The following FNDC3B variants were observed in gnomAD, a reference collection of about 807,000 sequenced individuals.
FNDC3B encodes the protein fibronectin type III domain-containing protein 3B.
In FNDC3B, 12 loss-of-function variants were observed where a neutral mutation model predicts 151.5. That is an observed-to-expected ratio of 0.08 (90% confidence interval 0.05 to 0.13). The LOEUF is 0.13. Ranked by LOEUF, FNDC3B falls within the 10% of genes least tolerant of loss-of-function variation. The probability of loss-of-function intolerance (pLI) is 1.00; values close to 1 mark genes in which losing one functional copy is unlikely to be tolerated. For missense variants in FNDC3B, 1,214 were observed against 1,505.3 expected, an observed-to-expected ratio of 0.81 and a Z score of 3.20; for synonymous variants, 528 against 549.0, an observed-to-expected ratio of 0.96 and a Z score of 0.54.
intron 22 of FNDC3B, among the ~76,000 whole-genome samples, chr3:172,357,012 A>G (rs1295591422): frequency 6.6e-6 from 1 of 152,196 alleles, no homozygotes; most frequent in Non-Finnish European, 1.5e-5. Context: ...ATTTTGTAGT[A>G]GAAATTTGAT....
intron 6 of FNDC3B, among the ~76,000 whole-genome samples, chr3:172,252,708 T>TGA (rs1728148934): frequency 6.6e-6 from 1 of 152,114 alleles, no homozygotes; most frequent in South Asian, 2.1e-4. Context: ...AATTTCAGCC[T>TGA]GAGAGAGGAA....
intron 3 of FNDC3B, among the ~76,000 whole-genome samples, chr3:172,188,758 G>GCA (rs572270169): frequency 2.6e-4 from 39 of 152,252 alleles, no homozygotes; most frequent in East Asian, 2.3e-3. Flanking sequence ...TGTACACTGA[G>GCA]CACACACCCT....
intron 1 of FNDC3B, among the ~76,000 whole-genome samples, chr3:172,057,562 GT>G (rs1356045029): frequency 6.6e-6 from 1 of 152,118 alleles, no homozygotes; most frequent in African/African-American, 2.4e-5. Context: ...TTACTGGCAG[GT>G]TTTTTTCTAG....
intron 1 of FNDC3B, among the ~76,000 whole-genome samples, chr3:172,062,371 G>T (rs1717250066): frequency 6.6e-6 from 1 of 151,622 alleles, no homozygotes; most frequent in South Asian, 2.1e-4. Context: ...GAGTGCAGGG[G>T]CATGATCTCA....
At chr3:172,331,445 CCT>C (rs1732657150) in intron 13 of FNDC3B, among the ~76,000 whole-genome samples, 1 of 152,202 alleles carries the variant, frequency 6.6e-6, no homozygotes, top group South Asian at 2.1e-4. Flanking sequence ...TCAAGCTCCG[CCT>C]CCCAAGTTCA....
chr3:172,046,056 A>G (rs909333583), intron 1 of FNDC3B, among the ~76,000 whole-genome samples: 2 of 152,140 alleles, frequency 1.3e-5, no homozygotes, highest in Non-Finnish European at 2.9e-5. Context: ...TCTTGGAAAC[A>G]GAAGGTATGT....
intron 9 of FNDC3B, among the ~76,000 whole-genome samples, chr3:172,300,992 A>T (rs188264515): frequency 6.8e-4 from 104 of 152,300 alleles, no homozygotes; most frequent in African/African-American, 2.3e-3. Flanking sequence ...TCTGCCTTGA[A>T]TTGCTTCGGT....
At chr3:172,324,920 G>C (rs1167486037) in intron 11 of FNDC3B, among the ~76,000 whole-genome samples, 2 of 152,214 alleles carry the variant, frequency 1.3e-5, no homozygotes, top group African/African-American at 4.8e-5. Flanking sequence ...CTGCGAACCT[G>C]ACCCACCAAC....
rs538561365 is a variant in FNDC3B at position 172,374,012 on chromosome 3, A to G, written c.3009-4258A>G. On this transcript the variant is annotated intron_variant, in intron 23 of 25. Transcript: ENST00000415807. ...AGAAAGAAACTTAGAATCAACAGTT[A>G]TCTGAGGCCTGCTGTGTCAGAGCTT... 4.4e-4 allele frequency among the ~76,000 whole-genome samples: 67 copies of G among 152,384 alleles called. 1 individual carries two copies. The highest frequency in any genetic ancestry group is 1.9e-3 in the East Asian group (10 of 5,188).
Position 172,220,875 on chromosome 3 carries a change from G to A in FNDC3B, c.188-5996G>A, listed in dbSNP as rs138672648. ...TTGGAGGCCGAGGAATATCACTTGA[G>A]CCCCAGGAGTTTGAGATCAGCCTGG... On this transcript the variant is annotated intron_variant, in intron 3 of 25. Coordinates refer to ENST00000415807, the MANE Select transcript of FNDC3B (RefSeq NM_022763.4). Among the ~76,000 whole-genome samples the A allele has an allele frequency of 4.9e-4, 74 of 152,194 alleles. No individual in the cohort carries two copies. In the East Asian group the frequency reaches 0.014, roughly 29 times the overall value.
chr3:172,318,398 A>T (rs953764201), intron 11 of FNDC3B, among the ~76,000 whole-genome samples: 19 of 152,212 alleles, frequency 1.2e-4, no homozygotes, highest in African/African-American at 4.3e-4. Flanking sequence ...TTGTTTAGGG[A>T]TTGAGTTGGC....
At chr3:172,287,517 A>C (rs1268178486) in intron 7 of FNDC3B, among the ~76,000 whole-genome samples, 1 of 152,234 alleles carries the variant, frequency 6.6e-6, no homozygotes, top group Non-Finnish European at 1.5e-5. Flanking sequence ...TGAGGGCAGA[A>C]TTATGGAAAA....
chr3:172,256,175 C>A (rs145434058), intron 6 of FNDC3B, among the ~76,000 whole-genome samples: 1 of 152,304 alleles, frequency 6.6e-6, no homozygotes, highest in East Asian at 1.9e-4. Context: ...GGTGTTCTGC[C>A]CCATTTTGTG....
intron 24 of FNDC3B, 37 bp from the exon 25 acceptor site, chr3:172,380,929 T>C: frequency 5.0e-6 from 8 of 1,608,624 alleles, no homozygotes; most frequent in Non-Finnish European, 6.8e-6. Context: ...CATGATACTT[T>C]GAATTTTGAG....
intron 3 of FNDC3B, chr3:172,148,620 T>C (rs1003054655): frequency 6.6e-6 from 1 of 152,072 alleles, no homozygotes; most frequent in Non-Finnish European, 1.5e-5. Flanking sequence ...TACACATTTC[T>C]TTTTTTTCTC....
intron 25 of FNDC3B, among the ~76,000 whole-genome samples, chr3:172,387,999 T>C (rs1274985915): frequency 1.3e-5 from 2 of 152,258 alleles, no homozygotes; most frequent in Non-Finnish European, 2.9e-5. Flanking sequence ...CCTCCCATAG[T>C]CATGTAATTC....
intron 1 of FNDC3B, among the ~76,000 whole-genome samples, chr3:172,067,632 G>C (rs1717563842): frequency 6.6e-6 from 1 of 152,024 alleles, no homozygotes. Context: ...AAAGTCTCTG[G>C]TGGGTTTTTG....
intron 3 of FNDC3B, among the ~76,000 whole-genome samples, chr3:172,209,271 G>A (rs911803428): frequency 6.6e-5 from 10 of 152,196 alleles, no homozygotes; most frequent in Non-Finnish European, 1.0e-4. Context: ...CGGGAGGGCT[G>A]TAGTGTTACA....
intron 6 of FNDC3B, among the ~76,000 whole-genome samples, chr3:172,265,799 G>T (rs918158863): frequency 6.6e-6 from 1 of 152,148 alleles, no homozygotes. Flanking sequence ...TACGGACACT[G>T]TACATAGTAC....
Sources: gnomAD v4.1 joint callset for allele counts (sites outside exome capture counted in the v4.1 genomes callset) on GRCh38, gnomAD v4.1.1 for gene constraint, MANE v1.5 for transcripts, NCBI Gene and HGNC (gene_info 2026-07-23, HGNC 2026-07-21) for gene names.